Variants in FRY observed in about 807,000 individuals in gnomAD.
The protein encoded by FRY is protein furry homolog.
FRY carries 128 observed loss-of-function variants against 348.4 expected under a neutral mutation model. The ratio of observed to expected loss-of-function variants is 0.37; its 90% CI spans 0.32 to 0.43. The LOEUF is 0.43. Among genes scored for constraint, FRY ranks in the 20% least tolerant of loss-of-function variants. The probability of loss-of-function intolerance (pLI) is 1.00; values close to 1 mark genes in which losing one functional copy is unlikely to be tolerated. For synonymous variants in FRY, 1,370 were observed against 1,374.7 expected, an observed-to-expected ratio of 1.00 and a Z score of 0.08; for missense variants, 2,736 against 3,695.2, an observed-to-expected ratio of 0.74 and a Z score of 6.73.
At chr13:32,285,386 A>C (rs1344978464) in intron 58 of FRY, among the ~76,000 whole-genome samples, 1 of 152,210 alleles carries the variant, frequency 6.6e-6, no homozygotes, top group East Asian at 1.9e-4. Flanking sequence ...ATATCAAGGA[A>C]GCCTGAACTA....
Position 32,263,820 on chromosome 13 carries a change from A to G in FRY, c.7779+1345A>G, listed in dbSNP as rs147828258. Among the ~76,000 whole-genome samples, 192 of 152,304 alleles carry G rather than the reference A, an allele frequency of 1.3e-3. 3 individuals are homozygous for G. The East Asian group carries it at 0.035, about 28-fold the overall frequency. On this transcript the variant is annotated intron_variant, in intron 53 of 60. Coordinates refer to ENST00000542859, the MANE Select transcript of FRY (RefSeq NM_023037.3). ...TCAGGAGTTCAAGACCAGCCTGGCC[A>G]AGATGGTGAAACCCTGTCTCTACTA...
chr13:32,178,945 C>T lies in FRY; in HGVS notation c.2783C>T (p.Pro928Leu), dbSNP rs866702686. ...YLILCFGVAK[P>L]SIMSPGHLRA... is the part of the protein sequence containing the mutation. ...ATTCTTTGTTTTGGAGTTGCAAAAC[C>T]CAGTATTATGAGCCCAGGACACTTA... The change falls in exon 22 of 61, where the codon CCC (proline) becomes CTC (leucine). Residue 928 changes from proline (P) to leucine (L), a missense_variant. Transcript: ENST00000542859. 1.2e-6 allele frequency: 2 copies of T among 1,612,912 alleles called. No individual in the cohort carries two copies. The highest frequency in any genetic ancestry group is 1.1e-5 in the South Asian group (1 of 91,048).
chr13:32,133,476 T>G (rs1187756146), intron 8 of FRY, among the ~76,000 whole-genome samples: 1 of 152,178 alleles, frequency 6.6e-6, no homozygotes, highest in Admixed American at 6.5e-5. Context: ...TATACATGAA[T>G]TAAGACTTGA....
chr13:32,070,344 G>A (rs896409066), intron 1 of FRY, among the ~76,000 whole-genome samples: 2 of 152,176 alleles, frequency 1.3e-5, no homozygotes, highest in Non-Finnish European at 2.9e-5. Context: ...CAATGTAAAA[G>A]CGTTCCTATT....
chr13:32,068,733 A>T (rs763480728), intron 1 of FRY, among the ~76,000 whole-genome samples: 1 of 152,240 alleles, frequency 6.6e-6, no homozygotes, highest in Non-Finnish European at 1.5e-5. Flanking sequence ...TTGAGAGAAC[A>T]TAGACTGAAG....
intron 58 of FRY, chr13:32,287,916 A>G (rs1230274337): frequency 8.0e-7 from 1 of 1,247,664 alleles, no homozygotes. Flanking sequence ...CTCTTTGTCC[A>G]TTTAGGCATG....
At chr13:32,222,459 G>C (rs570693205) in intron 36 of FRY, among the ~76,000 whole-genome samples, 22 of 152,282 alleles carry the variant, frequency 1.4e-4, no homozygotes, top group African/African-American at 5.3e-4. Flanking sequence ...TGATCTACCC[G>C]CCATGGCCTC....
chr13:32,198,880 A>G (rs1883844225), intron 29 of FRY, among the ~76,000 whole-genome samples: 1 of 152,218 alleles, frequency 6.6e-6, no homozygotes, highest in South Asian at 2.1e-4. Context: ...ATATATCAGT[A>G]TGTACCAAAA....
chr13:32,070,078 G>A (rs2138490264), intron 1 of FRY, among the ~76,000 whole-genome samples: 1 of 152,264 alleles, frequency 6.6e-6, no homozygotes, highest in Admixed American at 6.5e-5. Flanking sequence ...ATTCCATGGT[G>A]TATATGTGCC....
chr13:32,118,122 T>G (rs1030589759), intron 4 of FRY, among the ~76,000 whole-genome samples: 1 of 152,178 alleles, frequency 6.6e-6, no homozygotes, highest in South Asian at 2.1e-4. Context: ...AAACTTAAGA[T>G]TCTCATTAAT....
intron 52 of FRY, 41 bp from the exon 53 acceptor site, chr13:32,262,273 G>A (rs1304731270): frequency 1.3e-6 from 2 of 1,527,334 alleles, no homozygotes; most frequent in Non-Finnish European, 1.8e-6. Flanking sequence ...TAAAGAATGG[G>A]AACTTCATAC....
At chr13:32,233,903 A>G (rs1247251462) in intron 41 of FRY, among the ~76,000 whole-genome samples, 1 of 152,192 alleles carries the variant, frequency 6.6e-6, no homozygotes, top group African/African-American at 2.4e-5. Context: ...AGAGTTAGAA[A>G]GCCTCTGATT....
chr13:32,286,774 A>G, intron 58 of FRY, among the ~76,000 whole-genome samples: 1 of 130,420 alleles, frequency 7.7e-6, no homozygotes, highest in African/African-American at 2.8e-5. Flanking sequence ...AAAAAAAAAA[A>G]AAAAAAAAAA....
intron 54 of FRY, 98 bp downstream of exon 54, chr13:32,265,714 C>A: frequency 8.1e-7 from 1 of 1,227,246 alleles, no homozygotes; most frequent in Non-Finnish European, 1.2e-6. Context: ...ACTGCTGGGA[C>A]ATCCTAATAA....
intron 7 of FRY, among the ~76,000 whole-genome samples, chr13:32,130,351 T>G (rs1879279403): frequency 6.6e-6 from 1 of 152,124 alleles, no homozygotes; most frequent in Non-Finnish European, 1.5e-5. Context: ...ACAATTACCA[T>G]TTTTAATCAA....
At chr13:32,140,624 C>T (rs1025169459) in intron 11 of FRY, among the ~76,000 whole-genome samples, 1 of 151,998 alleles carries the variant, frequency 6.6e-6, no homozygotes, top group African/African-American at 2.4e-5. Flanking sequence ...GATAACTACT[C>T]TAAAGAAAAC....
chr13:32,198,480 C>T (rs898979915), intron 29 of FRY, among the ~76,000 whole-genome samples: 32 of 152,148 alleles, frequency 2.1e-4, no homozygotes, highest in African/African-American at 7.2e-4. Context: ...AATGCACTAT[C>T]GTGGGCTGTC....
intron 2 of FRY, among the ~76,000 whole-genome samples, chr13:32,089,635 C>G (rs1305121143): frequency 2.6e-5 from 4 of 152,034 alleles, no homozygotes; most frequent in African/African-American, 9.7e-5. Context: ...ATTAGCCAGG[C>G]GTGGTGGCAC....
intron 2 of FRY, among the ~76,000 whole-genome samples, chr13:32,101,039 A>G (rs1877132721): frequency 6.6e-6 from 1 of 152,214 alleles, no homozygotes; most frequent in African/African-American, 2.4e-5. Context: ...TCACCATGCT[A>G]TACAGTAGCT....
Sources: allele counts gnomAD v4.1 joint callset (sites outside exome capture counted in the v4.1 genomes callset), GRCh38; gene constraint gnomAD v4.1.1; transcripts MANE v1.5; gene names NCBI Gene and HGNC (gene_info 2026-07-23, HGNC 2026-07-21).